HERC4: variants seen among roughly 807,000 people sequenced by gnomAD.
The protein encoded by HERC4 is probable E3 ubiquitin-protein ligase HERC4.
In HERC4, 28 loss-of-function variants were observed where a neutral mutation model predicts 124.3. The observed-to-expected ratio is 0.23, with a 90% confidence interval of 0.17 to 0.31. The LOEUF (loss-of-function observed/expected upper bound fraction) is 0.31, where lower values mean the gene tolerates loss of function less well. Ranked by LOEUF, HERC4 falls within the 10% of genes least tolerant of loss-of-function variation. HERC4 has a pLI of 1.00. For missense variants in HERC4, 713 were observed against 1,229.3 expected (o/e 0.58, Z 6.28); for synonymous variants, 407 against 421.5 (o/e 0.97, Z 0.42).
In HERC4 at chr10:68,024,204, T is replaced by C. The variant is rs536629372; in HGVS notation, c.908+1342A>G. Among the ~76,000 whole-genome samples, 6 of 152,254 alleles carry C rather than the reference T, an allele frequency of 3.9e-5. No individual in the cohort carries two copies. In the East Asian group the frequency reaches 9.6e-4, roughly 24 times the overall value. ...TATGAAAAGGTACTCAAGTAAGTCA[T>C]GGAAATGTATATTCAAATTATGAAA... On this transcript the variant is annotated intron_variant, in intron 8 of 24. Coordinates refer to ENST00000373700, the MANE Select transcript of HERC4 (RefSeq NM_015601.4).
chr10:67,968,240 A>C (rs1469019956), intron 15 of HERC4, among the ~76,000 whole-genome samples: 1 of 152,190 alleles, frequency 6.6e-6, no homozygotes, highest in Non-Finnish European at 1.5e-5. Context: ...ATCTATGTGC[A>C]AATTCCCCCC....
intron 1 of HERC4, chr10:68,073,918 A>C (rs1042148242): frequency 1.3e-5 from 2 of 152,200 alleles, no homozygotes; most frequent in Non-Finnish European, 2.9e-5. Context: ...AAAAACATGC[A>C]ATTTAAATAT....
intron 4 of HERC4, chr10:68,039,339 G>GA: frequency 8.4e-7 from 1 of 1,194,990 alleles, no homozygotes; most frequent in Non-Finnish European, 1.1e-6. Flanking sequence ...AAAAAAGAAA[G>GA]AAAGAAAAGA....
intron 5 of HERC4, among the ~76,000 whole-genome samples, chr10:68,035,793 T>C (rs1305663834): frequency 6.6e-6 from 1 of 152,170 alleles, no homozygotes; most frequent in African/African-American, 2.4e-5. Context: ...CTCATCTTTG[T>C]CCAGTTCATT....
chr10:67,966,557 T>C (rs1361647415), intron 16 of HERC4, 126 bp downstream of exon 16: 1 of 828,778 alleles, frequency 1.2e-6, no homozygotes, highest in East Asian at 2.8e-5. Context: ...TGTGTTATTA[T>C]TTAAAAAGTA....
intron 9 of HERC4, among the ~76,000 whole-genome samples, chr10:67,997,447 T>C (rs932451632): frequency 1.3e-5 from 2 of 152,204 alleles, no homozygotes; most frequent in Non-Finnish European, 2.9e-5. Flanking sequence ...ATTGTCACCG[T>C]AGTAAAATAG....
At chr10:67,976,739 CG>C (rs2035613342) in intron 15 of HERC4, among the ~76,000 whole-genome samples, 1 of 152,072 alleles carries the variant, frequency 6.6e-6, no homozygotes, top group Non-Finnish European at 1.5e-5. Context: ...TTCTGTGCAC[CG>C]GGGAGAGAAA....
rs559810556 is a variant in HERC4 at position 68,061,674 on chromosome 10, T to G, written c.226+11209A>C. Among the ~76,000 whole-genome samples the G allele has an allele frequency of 9.4e-5, 14 of 149,578 alleles. No individual in the cohort carries two copies. The South Asian group carries it at 2.5e-3, about 27-fold the overall frequency. ...CGGGCAGATCACTTCAGGTCAGGAG[T>G]TCGAGACCAGCCTGACCAATATGGT... On this transcript the variant is annotated intron_variant, in intron 3 of 24. Coordinates refer to ENST00000373700, the MANE Select transcript of HERC4 (RefSeq NM_015601.4).
chr10:67,995,643 T>C (rs1165515420), intron 9 of HERC4, among the ~76,000 whole-genome samples: 2 of 152,074 alleles, frequency 1.3e-5, no homozygotes, highest in African/African-American at 4.8e-5. Flanking sequence ...TTGCTACAAA[T>C]ATTTTTTCCA....
intron 7 of HERC4, among the ~76,000 whole-genome samples, chr10:68,028,612 G>A (rs752589484): frequency 7.9e-5 from 12 of 152,050 alleles, no homozygotes; most frequent in Non-Finnish European, 1.3e-4. Flanking sequence ...ATTATACATG[G>A]TTCATCACTT....
At chr10:68,058,549 T>C (rs1029973981) in intron 3 of HERC4, among the ~76,000 whole-genome samples, 3 of 152,218 alleles carry the variant, frequency 2.0e-5, no homozygotes, top group African/African-American at 7.2e-5. Context: ...ACTTATTGAA[T>C]ACTCACCATA....
intron 9 of HERC4, chr10:68,010,948 C>G: frequency 9.5e-7 from 1 of 1,051,130 alleles, no homozygotes; most frequent in East Asian, 2.6e-5. Flanking sequence ...AGTTCTAGTT[C>G]TCTTGTTATT....
chr10:67,949,399 T>C (rs910465571), intron 19 of HERC4, among the ~76,000 whole-genome samples: 17 of 152,204 alleles, frequency 1.1e-4, no homozygotes, highest in Admixed American at 3.9e-4. Context: ...TTCCAAAAGA[T>C]CACAGCAGAG....
At chr10:67,986,656 C>A (rs1262472476) in intron 15 of HERC4, among the ~76,000 whole-genome samples, 1 of 152,050 alleles carries the variant, frequency 6.6e-6, no homozygotes, top group Non-Finnish European at 1.5e-5. Context: ...ACGCCCAGCC[C>A]ATACTGTATA....
intron 16 of HERC4, chr10:67,959,286 A>G: frequency 1.9e-6 from 1 of 532,336 alleles, no homozygotes; most frequent in Non-Finnish European, 3.3e-6. Context: ...ACAATCAAAT[A>G]CACCCCCTAC....
intron 3 of HERC4, among the ~76,000 whole-genome samples, chr10:68,063,133 T>G (rs1483463429): frequency 2.0e-5 from 3 of 152,202 alleles, no homozygotes; most frequent in Non-Finnish European, 2.9e-5. Flanking sequence ...GTGCATTTGT[T>G]TTCTATTCCC....
rs979873216 is a variant in HERC4, at chr10:68,040,294, T to C, written c.387-2125A>G. On this transcript the variant is annotated intron_variant, in intron 4 of 24. Coordinates refer to ENST00000373700, the MANE Select transcript of HERC4 (RefSeq NM_015601.4). ...ATATGCTACAGAGACCAGAAGTATA[T>C]TCTTCTGCGTCATTACTGTGTTAAA... is the stretch of plus-strand genomic sequence containing the variant. 1.0e-5 allele frequency: 10 copies of C among 978,208 alleles called. No homozygotes were observed. In the African/African-American group the frequency reaches 1.8e-4, roughly 17 times the overall value. The allele number at this position is 978,208 out of a possible 1,614,324, so 60.6% of individuals were successfully genotyped here. A position where few individuals can be genotyped will look rare whatever the true frequency, so the allele number is the denominator to read the frequency against.
intron 19 of HERC4, among the ~76,000 whole-genome samples, chr10:67,942,802 C>T (rs112194675): frequency 0.015 from 2,326 of 152,232 alleles, 57 homozygotes; most frequent in African/African-American, 0.053. Context: ...TGAGATACTG[C>T]GCCAGCTCCT....
chr10:67,958,993 A>G (rs552390626), intron 16 of HERC4: 5 of 626,720 alleles, frequency 8.0e-6, no homozygotes, highest in Admixed American at 3.2e-5. Flanking sequence ...TGATACATAT[A>G]TATCTATTTA....
Sources: gnomAD v4.1 joint callset for allele counts (sites outside exome capture counted in the v4.1 genomes callset) on GRCh38, gnomAD v4.1.1 for gene constraint, MANE v1.5 for transcripts, NCBI Gene and HGNC (gene_info 2026-07-23, HGNC 2026-07-21) for gene names.